OTUD7A: variants seen among roughly 807,000 people sequenced by gnomAD.
OTUD7A encodes the protein OTU domain-containing protein 7A.
In OTUD7A, 12 loss-of-function variants were observed where a neutral mutation model predicts 65.7. The ratio of observed to expected loss-of-function variants is 0.18; its 90% confidence interval spans 0.12 to 0.30. The LOEUF is 0.30. Ranked by LOEUF, OTUD7A falls within the 10% of genes least tolerant of loss-of-function variation. The pLI is 1.00. For synonymous variants in OTUD7A, 641 were observed against 586.3 expected, an observed-to-expected ratio of 1.09 and a Z score of -1.35; for missense variants, 1,148 against 1,304.8, an observed-to-expected ratio of 0.88 and a Z score of 1.85.
chr15:31,520,276 G>T (rs1272613303), intron 8 of OTUD7A, among the ~76,000 whole-genome samples: 1 of 152,100 alleles, frequency 6.6e-6, no homozygotes, highest in Non-Finnish European at 1.5e-5. Context: ...TATGGTATTG[G>T]TACAAAAACA....
chr15:31,687,124 C>T (rs1288227724), intron 1 of OTUD7A, among the ~76,000 whole-genome samples: 2 of 147,318 alleles, frequency 1.4e-5, no homozygotes, highest in Non-Finnish European at 3.0e-5. Flanking sequence ...AAAAAAACCA[C>T]ACATAATCTT....
At chr15:31,860,299 G>T (rs1003418179) in intron 1 of OTUD7A, among the ~76,000 whole-genome samples, 4 of 152,068 alleles carry the variant, frequency 2.6e-5, no homozygotes, top group African/African-American at 9.7e-5. Context: ...CCACTGAACT[G>T]CAAGCTTAAG....
chr15:31,546,408 C>A (rs1324595677), intron 5 of OTUD7A, among the ~76,000 whole-genome samples: 15 of 152,162 alleles, frequency 9.9e-5, no homozygotes, highest in Non-Finnish European at 1.0e-4. Context: ...AATTTAAATT[C>A]ATTAAATGAG....
At chr15:31,656,699 G>A (rs1294165510) in intron 2 of OTUD7A, among the ~76,000 whole-genome samples, 2 of 152,030 alleles carry the variant, frequency 1.3e-5, no homozygotes, top group Non-Finnish European at 2.9e-5. Flanking sequence ...AGTAGGTCCT[G>A]TGTCAGTGGC....
At chr15:31,749,674 G>A (rs991683592) in intron 1 of OTUD7A, among the ~76,000 whole-genome samples, 10 of 152,030 alleles carry the variant, frequency 6.6e-5, no homozygotes, top group African/African-American at 1.2e-4. Context: ...TTCACCACTC[G>A]TATTCAACAT....
At chr15:31,535,601 C>T (rs1303658214) in intron 5 of OTUD7A, among the ~76,000 whole-genome samples, 3 of 151,660 alleles carry the variant, frequency 2.0e-5, no homozygotes, top group African/African-American at 7.3e-5. Flanking sequence ...CTCAATAAAA[C>T]TAGTTGCTAA....
intron 3 of OTUD7A, among the ~76,000 whole-genome samples, chr15:31,621,011 C>T (rs1300896521): frequency 6.7e-6 from 1 of 148,268 alleles, no homozygotes; most frequent in African/African-American, 2.6e-5. Flanking sequence ...TTTCTGCCTT[C>T]ATTTCGTGAT....
At chr15:31,726,590 A>G (rs1245852281) in intron 1 of OTUD7A, among the ~76,000 whole-genome samples, 1 of 152,222 alleles carries the variant, frequency 6.6e-6, no homozygotes, top group East Asian at 1.9e-4. Context: ...ATCATTTTGC[A>G]AAGCAAGAAT....
At chr15:31,774,163 T>G (rs1895310220) in intron 1 of OTUD7A, among the ~76,000 whole-genome samples, 1 of 152,132 alleles carries the variant, frequency 6.6e-6, no homozygotes, top group Admixed American at 6.5e-5. Flanking sequence ...CATTCTGGAG[T>G]TGACGGCTGC....
chr15:31,517,018 G>A (rs1336750408), intron 8 of OTUD7A, among the ~76,000 whole-genome samples: 1 of 152,218 alleles, frequency 6.6e-6, no homozygotes, highest in Non-Finnish European at 1.5e-5. Flanking sequence ...CCCAGCCACA[G>A]AGCGATGGTC....
rs1304422285 is a variant in OTUD7A at position 31,483,561 on chromosome 15, C to G, written c.2535G>C (p.Ala845=). Residue 845 remains alanine, a synonymous_variant, in exon 13 of 13, where the codon GCG becomes GCC. Coordinates refer to ENST00000307050, the MANE Select transcript of OTUD7A (RefSeq NM_001382637.1). ...TGTGCTCGGCCGCCCCCGCCGTCCC[C>G]GCCGCGCCCGGTAGGGCCCCGGGCA... ...RAVPGALPGA[A]GTAGAAEHKS... is the part of the protein sequence containing the mutation. The G allele has an allele frequency of 1.5e-6, 2 of 1,305,422 alleles. No homozygotes were observed. Among genetic ancestry groups the G allele is most frequent in the African/African-American group, 3.1e-5 (2 of 63,722 alleles). 80.9% of individuals were successfully genotyped at this position (1,305,422 alleles called of 1,614,324 possible). A position where few individuals can be genotyped will look rare whatever the true frequency, so the allele number is the denominator to read the frequency against.
Position 31,483,338 on chromosome 15 carries a change from C to T in OTUD7A, c.2758G>A (p.Glu920Lys). 8.1e-7 allele frequency: 1 copy of T among 1,233,816 alleles called. No homozygotes were observed. Among genetic ancestry groups the T allele is most frequent in the African/African-American group, 1.6e-5 (1 of 62,364 alleles). 76.4% of individuals were successfully genotyped at this position (1,233,816 alleles called of 1,614,324 possible). The part of the protein sequence containing the change: ...TEHYCSYCYR[E>K]ELRRRREARG... ...GCCTCGCGCCGCCGCCGCAGCTCCT[C>T]GCGGTAGCAGTAGGAGCAGTAGTGC... The change falls in exon 13 of 13, where the codon GAG becomes AAG. Residue 920 changes from glutamate to lysine, a missense_variant. Transcript: ENST00000307050.
rs574827494 is a variant in OTUD7A, at chr15:31,629,378, T to C, written c.151+25718A>G. 5.9e-4 allele frequency among the ~76,000 whole-genome samples: 90 copies of C among 152,358 alleles called. 3 individuals are homozygous for C. The South Asian group carries it at 0.018, about 30-fold the overall frequency. On this transcript the variant is annotated intron_variant, in intron 3 of 12. Coordinates refer to ENST00000307050, the MANE Select transcript of OTUD7A (RefSeq NM_001382637.1). Reference sequence around the variant, plus strand: ...TGTGGTTTTTGTCATTGGTTCTGTTTATATGCTGGATTACATCTATTGATT... The same window carrying C: ...TGTGGTTTTTGTCATTGGTTCTGTTCATATGCTGGATTACATCTATTGATT...
chr15:31,484,405 G>T lies in OTUD7A; in HGVS notation c.1691C>A (p.Ala564Asp). ...NSANGKNGDS[A>D]ERGKEKKAKS... ...GGCCTTCTTCTCCTTGCCCCGCTCG[G>T]CCGAGTCCCCGTTCTTGCCATTGGC... The change falls in exon 13 of 13, where the codon GCC becomes GAC. Residue 564 changes from alanine (A) to aspartate (D), a missense_variant. Transcript: ENST00000307050. The surrounding 1 kb of genome is among the most constrained non-coding windows in gnomAD (Gnocchi z 4.5). 4 of 1,601,612 alleles carry T rather than the reference G, an allele frequency of 2.5e-6. No individual in the cohort carries two copies. The highest frequency in any genetic ancestry group is 3.4e-6 in the Non-Finnish European group (4 of 1,179,778).
chr15:31,515,450 C>CA (rs1161260759), intron 8 of OTUD7A, among the ~76,000 whole-genome samples: 1 of 152,078 alleles, frequency 6.6e-6, no homozygotes, highest in East Asian at 1.9e-4. Flanking sequence ...TATTTCCAAC[C>CA]AAAAAACCAA....
intron 5 of OTUD7A, among the ~76,000 whole-genome samples, chr15:31,541,056 T>A (rs533383114): frequency 2.4e-4 from 36 of 152,236 alleles, no homozygotes; most frequent in Non-Finnish European, 4.1e-4. Context: ...AAAAGAGTTG[T>A]CCTTCAACAC....
intron 1 of OTUD7A, among the ~76,000 whole-genome samples, chr15:31,852,590 C>T (rs1202287734): frequency 1.3e-5 from 2 of 152,326 alleles, no homozygotes; most frequent in Admixed American, 1.3e-4. Context: ...TACCTACATG[C>T]CTCCTCCATA....
chr15:31,483,900 C>T lies in OTUD7A; in HGVS notation c.2196G>A (p.Pro732=), dbSNP rs2141059903. Residue 732 remains proline, a synonymous_variant, in exon 13 of 13, where the codon CCG becomes CCA. Transcript: ENST00000307050. ...TQLVLKLKER[P]SPGPAAGRAA... is the part of the protein sequence containing the mutation. ...CACGCCCTGCCGCGGGCCCGGGGCTCGGCCGCTCCTTGAGCTTGAGCACCA... is the reference window on the plus strand; with the variant it reads ...CACGCCCTGCCGCGGGCCCGGGGCTTGGCCGCTCCTTGAGCTTGAGCACCA... 1 of 1,016,724 alleles carries T rather than the reference C, an allele frequency of 9.8e-7. No individual in the cohort carries two copies. Among genetic ancestry groups the T allele is most frequent in the Middle Eastern group, 4.7e-4 (1 of 2,128 alleles). 63.0% of individuals were successfully genotyped at this position (1,016,724 alleles called of 1,614,324 possible). A position where few individuals can be genotyped will look rare whatever the true frequency, so the allele number is the denominator to read the frequency against.
At chr15:31,513,202 T>C (rs1010507911) in intron 8 of OTUD7A, among the ~76,000 whole-genome samples, 10 of 152,238 alleles carry the variant, frequency 6.6e-5, no homozygotes, top group African/African-American at 2.4e-4. Flanking sequence ...TTCAAAAAAT[T>C]GGCAGCAATC....
Sources: allele counts gnomAD v4.1 joint callset (sites outside exome capture counted in the v4.1 genomes callset), GRCh38; gene constraint gnomAD v4.1.1; non-coding constraint Gnocchi (gnomAD v3.1); transcripts MANE v1.5; gene names NCBI Gene and HGNC (gene_info 2026-07-23, HGNC 2026-07-21).